Variants in MAK observed in about 807,000 individuals in gnomAD.
MAK encodes serine/threonine-protein kinase MAK.
MAK carries 65 observed loss-of-function variants against 82.6 expected under a neutral mutation model. The ratio of observed to expected loss-of-function variants is 0.79; its 90% confidence interval spans 0.64 to 0.97. The LOEUF (loss-of-function observed/expected upper bound fraction) is 0.97, where lower values mean the gene tolerates loss of function less well. Among genes scored for constraint, MAK ranks in the 50% least tolerant of loss-of-function variants. The pLI, the probability that MAK is intolerant of heterozygous loss-of-function variation, is 0.00. For synonymous variants in MAK, 250 were observed against 274.2 expected (o/e 0.91, Z 0.87); for missense variants, 703 against 780.2 (o/e 0.90, Z 1.18).
chr6:10,803,684 C>A (rs1386904491), intron 7 of MAK, 36 bp downstream of exon 7: 4 of 1,575,998 alleles, frequency 2.5e-6, no homozygotes, highest in African/African-American at 2.7e-5. Context: ...TAGAAATAAT[C>A]AAAAGTTATA....
chr6:10,774,563 C>T (rs930363078), intron 12 of MAK, among the ~76,000 whole-genome samples: 2 of 152,074 alleles, frequency 1.3e-5, no homozygotes, highest in African/African-American at 2.4e-5. Flanking sequence ...ATTCTTCAAA[C>T]GCTCTTCAAA....
At chr6:10,802,316 T>C (rs914394950) in intron 7 of MAK, 3 of 398,020 alleles carry the variant, frequency 7.5e-6, no homozygotes, top group Admixed American at 8.4e-5. Context: ...TTTTTTTGTG[T>C]TTTTTTTGAG....
In MAK at chr6:10,793,827, G is replaced by A. The variant is rs1259152558; in HGVS notation, c.1144-1980C>T. Among the ~76,000 whole-genome samples, 1 of 152,122 alleles carries A rather than the reference G, an allele frequency of 6.6e-6. No homozygotes were observed. The highest frequency in any genetic ancestry group is 2.4e-5 in the African/African-American group (1 of 41,402). ...CAACAATTGATGCATCTTCCAAGGG[G>A]TCATGGGGAGGACTGTCATCGTTGG... is the stretch of plus-strand genomic sequence containing the variant. On this transcript the variant is annotated intron_variant, in intron 9 of 14. Transcript: ENST00000354489. The surrounding 1 kb of genome is among the most constrained non-coding windows in gnomAD (Gnocchi z 4.6).
At position 10,791,763 on chromosome 6, in the gene MAK, A is replaced by T; in HGVS notation, c.1228T>A (p.Leu410Met). 6.2e-7 allele frequency: 1 copy of T among 1,613,970 alleles called. No homozygotes were observed. The highest frequency in any genetic ancestry group is 8.5e-7 in the Non-Finnish European group (1 of 1,179,974). Reference sequence around the variant, plus strand: ...GAGGCTCCGAAATCATAGTCCTCCAACTCTTCCCAGCTATCTCCAGACTTG... The same window carrying T: ...GAGGCTCCGAAATCATAGTCCTCCATCTCTTCCCAGCTATCTCCAGACTTG... ...IFKSGDSWEE[L>M]EDYDFGASHS... The change falls in exon 10 of 15, where the codon TTG becomes ATG. Residue 410 changes from leucine to methionine, a missense_variant. Physicochemically the swap from Leu to Met is conservative, Grantham distance 15. Transcript: ENST00000354489.
intron 11 of MAK, among the ~76,000 whole-genome samples, chr6:10,783,345 T>G (rs1561943864): frequency 6.6e-6 from 1 of 152,300 alleles, no homozygotes; most frequent in African/African-American, 2.4e-5. Context: ...CAGATTCATA[T>G]ACCCAGGCGC....
In MAK at chr6:10,807,780, T is replaced by C. The variant is rs190912013; in HGVS notation, c.491+1030A>G. ...CACCCAGATCAAGAAAGACATGTTA[T>C]CGGCCGGGCCCGGTGGCTCACGCCT... On this transcript the variant is annotated intron_variant, in intron 6 of 14. Transcript: ENST00000354489. Among the ~76,000 whole-genome samples the C allele has an allele frequency of 7.3e-5, 11 of 151,002 alleles. 1 individual carries two copies. In the East Asian group the frequency reaches 2.0e-3, roughly 28 times the overall value.
At position 10,796,129 on chromosome 6, in the gene MAK, T is replaced by C. The variant is rs1471765535; in HGVS notation, c.1012A>G (p.Lys338Glu). The change falls in exon 9 of 15, where the codon AAA (lysine) becomes GAA (glutamate). Residue 338 changes from lysine to glutamate, a missense_variant. Physicochemically the swap from Lys to Glu is moderately conservative, Grantham distance 56. Coordinates refer to ENST00000354489, the MANE Select transcript of MAK (RefSeq NM_001242957.3). ...IDQVVGQPQP[K>E]TSQQPLQPIQ... ...GGCTGCAGTGGCTGCTGGCTAGTTT[T>C]TGGCTGGGGTTGTCCAACAACCTGA... 6 of 1,614,020 alleles carry C rather than the reference T, an allele frequency of 3.7e-6. No individual in the cohort carries two copies. Among genetic ancestry groups the C allele is most frequent in the Non-Finnish European group, 4.2e-6 (5 of 1,180,028 alleles).
intron 2 of MAK, among the ~76,000 whole-genome samples, chr6:10,824,688 G>T (rs1431391623): frequency 6.6e-6 from 1 of 152,140 alleles, no homozygotes. Flanking sequence ...ATTTCAGGCG[G>T]ACTCTTCCTG....
At chr6:10,799,122 C>T (rs967403980) in intron 8 of MAK, among the ~76,000 whole-genome samples, 1 of 152,050 alleles carries the variant, frequency 6.6e-6, no homozygotes, top group Non-Finnish European at 1.5e-5. Flanking sequence ...ACTGCAGAGC[C>T]ACCGCACATG....
Position 10,830,692 on chromosome 6 carries a change from C to T in MAK, c.-44G>A. The T allele has an allele frequency of 7.0e-7, 1 of 1,425,752 alleles. No homozygotes were observed. Among genetic ancestry groups the T allele is most frequent in the Non-Finnish European group, 9.9e-7 (1 of 1,008,264 alleles). 88.3% of individuals were successfully genotyped at this position (1,425,752 alleles called of 1,614,324 possible). On this transcript the variant is annotated 5_prime_UTR_variant, in exon 2 of 15. Transcript: ENST00000354489. ...CAGAAGTTGTTGATTGAAATGACTT[C>T]CTTGTTGAATATAAATTTGAACGCT...
intron 2 of MAK, among the ~76,000 whole-genome samples, chr6:10,822,183 G>T (rs968971460): frequency 1.1e-4 from 17 of 150,068 alleles, no homozygotes; most frequent in African/African-American, 4.2e-4. Context: ...GCCGGGTGCG[G>T]TGGCTCACAC....
chr6:10,828,769 T>G (rs566193683), intron 2 of MAK, among the ~76,000 whole-genome samples: 3 of 152,036 alleles, frequency 2.0e-5, no homozygotes, highest in African/African-American at 7.2e-5. Context: ...TACCTCAGCC[T>G]GGGCGACAGA....
chr6:10,822,974 C>T (rs1014963770), intron 2 of MAK, among the ~76,000 whole-genome samples: 19 of 152,136 alleles, frequency 1.2e-4, no homozygotes, highest in African/African-American at 4.6e-4. Context: ...TTCAAAGAAA[C>T]CTCTTATTTT....
chr6:10,830,486 G>A (rs944888273), intron 2 of MAK, 62 bp downstream of exon 2: 136 of 1,352,240 alleles, frequency 1.0e-4, no homozygotes, highest in Non-Finnish European at 1.4e-4. Flanking sequence ...ATTCTTAAGC[G>A]AGGACAGGAA....
At chr6:10,815,912 G>GTATATATATATATATATATATATATA (rs3064109) in intron 4 of MAK, among the ~76,000 whole-genome samples, 17 of 108,330 alleles carry the variant, frequency 1.6e-4, no homozygotes, top group African/African-American at 4.1e-4. Context: ...GCTTTATACA[G>GTATATATATATATATATATATATATA]TATATATATA....
chr6:10,817,324 C>A (rs1777572022), intron 4 of MAK, among the ~76,000 whole-genome samples: 1 of 152,154 alleles, frequency 6.6e-6, no homozygotes, highest in Non-Finnish European at 1.5e-5. Flanking sequence ...GGCGGAAGAC[C>A]AAAGCTCTCC....
chr6:10,816,213 G>A (rs1426975319), intron 4 of MAK, among the ~76,000 whole-genome samples: 1 of 151,662 alleles, frequency 6.6e-6, no homozygotes, highest in African/African-American at 2.4e-5. Flanking sequence ...TAGGACTACA[G>A]GTGTGTGCCA....
chr6:10,833,996 C>T (rs1778988263), intron 1 of MAK, among the ~76,000 whole-genome samples: 1 of 152,104 alleles, frequency 6.6e-6, no homozygotes, highest in Non-Finnish European at 1.5e-5. Flanking sequence ...CTTCATTTTG[C>T]CTTTATCTGT....
At chr6:10,791,256 G>A (rs1353523555) in intron 10 of MAK, among the ~76,000 whole-genome samples, 3 of 151,986 alleles carry the variant, frequency 2.0e-5, no homozygotes, top group African/African-American at 7.2e-5. Flanking sequence ...CCAATATTAA[G>A]CAAATTTTTT....
Sources: allele counts gnomAD v4.1 joint callset (sites outside exome capture counted in the v4.1 genomes callset), GRCh38; gene constraint gnomAD v4.1.1; non-coding constraint Gnocchi (gnomAD v3.1); transcripts MANE v1.5; gene names NCBI Gene and HGNC (gene_info 2026-07-23, HGNC 2026-07-21).